Variants in LITAF observed in about 807,000 individuals in gnomAD.
LITAF encodes lipopolysaccharide induced TNF factor, also known as lipopolysaccharide-induced tumor necrosis factor-alpha factor.
Under a neutral mutation model 14.5 loss-of-function variants are expected in LITAF, and 9 were observed. The ratio of observed to expected loss-of-function variants is 0.62; its 90% CI spans 0.37 to 1.08. The LOEUF (loss-of-function observed/expected upper bound fraction) is 1.08, where lower values mean the gene tolerates loss of function less well. Among genes scored for constraint, LITAF ranks in the 50% least tolerant of loss-of-function variants. The pLI, the probability that LITAF is intolerant of heterozygous loss-of-function variation, is 0.01. For synonymous variants in LITAF, 98 were observed against 88.2 expected, an observed-to-expected ratio of 1.11 and a Z score of -0.62; for missense variants, 206 against 213.4, an observed-to-expected ratio of 0.97 and a Z score of 0.22.
intron 1 of LITAF, among the ~76,000 whole-genome samples, chr16:11,579,728 C>A (rs12927097): frequency 0.15 from 22,780 of 151,554 alleles, 1,907 homozygotes; most frequent in South Asian, 0.23. Context: ...TGAGGAACTC[C>A]CTGTACTAAC....
intron 1 of LITAF, among the ~76,000 whole-genome samples, chr16:11,596,595 GGAGGGAGGAA>G (rs2064889223): frequency 3.3e-5 from 1 of 30,314 alleles, no homozygotes; most frequent in Non-Finnish European, 6.7e-5. Context: ...AGGAAGGGGA[GGAGGGAGGAA>G]AGGAGGAAGG....
At chr16:11,557,185 T>C (rs1281403151) in intron 1 of LITAF, among the ~76,000 whole-genome samples, 1 of 152,016 alleles carries the variant, frequency 6.6e-6, no homozygotes, top group South Asian at 2.1e-4. Context: ...TTATCACAAA[T>C]AGCAAAGGGG....
chr16:11,579,089 T>C lies in LITAF; in HGVS notation c.-6+7797A>G, dbSNP rs1345105972. Among the ~76,000 whole-genome samples the C allele has an allele frequency of 2.6e-5, 4 of 152,204 alleles. No homozygotes were observed. The East Asian group carries it at 5.8e-4, about 22-fold the overall frequency. ...CTGTAATCCCAGCTACTCGGGAGGCTGAGGCAGGAGAGTTGCTTGAACCCG... is the reference window on the plus strand; with the variant it reads ...CTGTAATCCCAGCTACTCGGGAGGCCGAGGCAGGAGAGTTGCTTGAACCCG... On this transcript the variant is annotated intron_variant, in intron 1 of 3. Transcript: ENST00000622633.
intron 3 of LITAF, among the ~76,000 whole-genome samples, chr16:11,552,736 AGCGT>A (rs1377034821): frequency 4.6e-5 from 7 of 152,130 alleles, no homozygotes; most frequent in African/African-American, 9.7e-5. Context: ...AACACTGGGG[AGCGT>A]GGTGCTCCTA....
upstream of LITAF, among the ~76,000 whole-genome samples, chr16:11,637,948 A>ATATATATCTATATATATC (rs1170716785): frequency 1.0e-4 from 6 of 59,778 alleles, 2 homozygotes; most frequent in Non-Finnish European, 1.7e-4. Context: ...CTATATATCT[A>ATATATATCTATATATATC]TATATATCTA....
chr16:11,592,674 A>G (rs2064854848), intron 1 of LITAF, among the ~76,000 whole-genome samples: 1 of 152,126 alleles, frequency 6.6e-6, no homozygotes, highest in Admixed American at 6.6e-5. Flanking sequence ...CATCATCACT[A>G]GTCAGCAAGG....
chr16:11,579,368 G>A (rs1033314646), intron 1 of LITAF, among the ~76,000 whole-genome samples: 2 of 151,178 alleles, frequency 1.3e-5, no homozygotes, highest in Admixed American at 6.6e-5. Flanking sequence ...GGAGAATGGC[G>A]TGAACCCGGG....
chr16:11,601,409 T>A (rs960702047), upstream of LITAF, among the ~76,000 whole-genome samples: 1 of 152,160 alleles, frequency 6.6e-6, no homozygotes, highest in Non-Finnish European at 1.5e-5. Flanking sequence ...AAGGGGGCTC[T>A]CCAATTTTCT....
intron 1 of LITAF, among the ~76,000 whole-genome samples, chr16:11,571,804 A>G (rs1457799217): frequency 6.6e-6 from 1 of 152,098 alleles, no homozygotes; most frequent in African/African-American, 2.4e-5. Context: ...GGTCTCCTAA[A>G]TGGTTTAATC....
intron 1 of LITAF, among the ~76,000 whole-genome samples, chr16:11,561,833 C>T (rs972186751): frequency 5.7e-5 from 8 of 141,536 alleles, no homozygotes; most frequent in East Asian, 2.5e-4. Context: ...CCCCCAACTA[C>T]GAAACTCTTA....
chr16:11,605,610 G>A lies in LITAF; in HGVS notation c.85+27923C>T, dbSNP rs2064951301. Among the ~76,000 whole-genome samples, 1 of 152,204 alleles carries A rather than the reference G, an allele frequency of 6.6e-6. No homozygotes were observed. The highest frequency in any genetic ancestry group is 1.5e-5 in the Non-Finnish European group (1 of 68,030). ...AAAGAATTGAGATGGGACAAGGAGT[G>A]AGAAGAGGGGAGGAAGCAAGAAAAA... On this transcript the variant is annotated intron_variant, in intron 3 of 3. Transcript: ENST00000574848. This position sits in a 1 kb window ranked among gnomAD's most constrained non-coding sequence, Gnocchi z 4.7.
At chr16:11,581,817 C>T (rs1342068521) in intron 1 of LITAF, among the ~76,000 whole-genome samples, 1 of 152,138 alleles carries the variant, frequency 6.6e-6, no homozygotes, top group African/African-American at 2.4e-5. Context: ...TGCATATTTA[C>T]ACCTGACCAC....
intron 1 of LITAF, among the ~76,000 whole-genome samples, chr16:11,581,019 C>T (rs2064724207): frequency 6.6e-6 from 1 of 152,244 alleles, no homozygotes; most frequent in Admixed American, 6.5e-5. Flanking sequence ...CCTGCCTTGT[C>T]CTCCCAGAGT....
chr16:11,633,201 G>A (rs1249960434), intron 3 of LITAF, among the ~76,000 whole-genome samples: 4 of 152,270 alleles, frequency 2.6e-5, no homozygotes, highest in African/African-American at 7.2e-5. Flanking sequence ...GCAGCCCAGG[G>A]CCACCTGAAC....
chr16:11,549,800 C>G lies in LITAF; in HGVS notation c.378-55G>C, dbSNP rs1050486471. ...GTTACTGATCACAACAGGGTGAACA[C>G]TGGCTGCCAAAACCATGTTCATGTC... On this transcript the variant is annotated intron_variant, in intron 3 of 3. Coordinates refer to ENST00000622633, the MANE Select transcript of LITAF (RefSeq NM_001136472.2). The surrounding 1 kb of genome is among the most constrained non-coding windows in gnomAD (Gnocchi z 4.6). 7 of 1,384,122 alleles carry G rather than the reference C, an allele frequency of 5.1e-6. No individual in the cohort carries two copies. The highest frequency in any genetic ancestry group is 7.1e-6 in the Non-Finnish European group (7 of 985,872). The allele number at this position is 1,384,122 out of a possible 1,614,324, so 85.7% of individuals were successfully genotyped here. A position where few individuals can be genotyped will look rare whatever the true frequency, so the allele number is the denominator to read the frequency against.
At chr16:11,557,929 C>T (rs1344431634) in intron 1 of LITAF, among the ~76,000 whole-genome samples, 2 of 152,328 alleles carry the variant, frequency 1.3e-5, no homozygotes, top group African/African-American at 4.8e-5. Context: ...GAGTGTGCTC[C>T]TGTCTGATGT....
At chr16:11,622,102 G>GGCTGAT (rs1324630635) in intron 3 of LITAF, among the ~76,000 whole-genome samples, 1 of 152,214 alleles carries the variant, frequency 6.6e-6, no homozygotes, top group Non-Finnish European at 1.5e-5. Context: ...TGATGAGGGT[G>GGCTGAT]GAGGCAGTGG....
At position 11,634,808 on chromosome 16, in the gene LITAF, T is replaced by C. The variant is rs7405036; in HGVS notation, c.-21+1017A>G. ...CCAGCACTTTGGGAGGCCAAGGCGG[T>C]AGATCACTTGAGGTGAGGAGTTCAG... On this transcript the variant is annotated intron_variant, in intron 2 of 3. Coordinates refer to the LITAF transcript ENST00000574848. This position sits in a 1 kb window ranked among gnomAD's most constrained non-coding sequence, Gnocchi z 4.1. Among the ~76,000 whole-genome samples the C allele has an allele frequency of 1, 152,287 of 152,288 alleles. 76,143 individuals carry two copies. Among genetic ancestry groups the C allele is most frequent in the Non-Finnish European group, 1 (68,040 of 68,040 alleles).
At chr16:11,576,641 G>A (rs2064641335) in intron 1 of LITAF, among the ~76,000 whole-genome samples, 1 of 151,066 alleles carries the variant, frequency 6.6e-6, no homozygotes, top group Admixed American at 6.6e-5. Context: ...GCTGCCAACA[G>A]TCCAACATGG....
Sources: gnomAD v4.1 joint callset for allele counts (sites outside exome capture counted in the v4.1 genomes callset) on GRCh38, gnomAD v4.1.1 for gene constraint, Gnocchi (gnomAD v3.1) non-coding constraint, MANE v1.5 for transcripts, NCBI Gene and HGNC (gene_info 2026-07-23, HGNC 2026-07-21) for gene names.